Variants in ARHGAP10 observed in about 807,000 individuals in gnomAD.
ARHGAP10 encodes the protein rho GTPase-activating protein 10.
In ARHGAP10, 87 loss-of-function variants were observed where a neutral mutation model predicts 108.6. That is an observed-to-expected ratio of 0.80 (90% CI 0.67 to 0.96). ARHGAP10 has a LOEUF of 0.96. Among genes scored for constraint, ARHGAP10 ranks in the 40% least tolerant of loss-of-function variants. The pLI, the probability that ARHGAP10 is intolerant of heterozygous loss-of-function variation, is 0.00. For missense variants in ARHGAP10, 939 were observed against 954.5 expected, an observed-to-expected ratio of 0.98 and a Z score of 0.21; for synonymous variants, 347 against 341.1, an observed-to-expected ratio of 1.02 and a Z score of -0.19.
intron 11 of ARHGAP10, among the ~76,000 whole-genome samples, chr4:147,908,830 C>T (rs193160372): frequency 1.7e-4 from 26 of 152,216 alleles, no homozygotes. Flanking sequence ...TTTTAAGGAC[C>T]CTGCCCCCTT....
chr4:148,024,084 T>A (rs574271082), intron 19 of ARHGAP10, among the ~76,000 whole-genome samples: 125 of 152,356 alleles, frequency 8.2e-4, no homozygotes, highest in African/African-American at 2.9e-3. Flanking sequence ...TCAACACTGA[T>A]CCATACAAAA....
intron 1 of ARHGAP10, among the ~76,000 whole-genome samples, chr4:147,817,423 A>C (rs1732296945): frequency 6.6e-6 from 1 of 152,206 alleles, no homozygotes; most frequent in Non-Finnish European, 1.5e-5. Context: ...ATTGTTGATA[A>C]ATAGGTGGCT....
At chr4:148,061,123 G>A (rs1443632461) in intron 20 of ARHGAP10, among the ~76,000 whole-genome samples, 1 of 151,792 alleles carries the variant, frequency 6.6e-6, no homozygotes, top group African/African-American at 2.4e-5. Flanking sequence ...AAAGATGTGA[G>A]GATCAAGCAG....
rs57534364 is a variant in ARHGAP10, at chr4:147,820,580, G to GTTT, written c.155-2119_155-2117dup. On this transcript the variant is annotated intron_variant, in intron 1 of 22. Transcript: ENST00000336498. Reference sequence around the variant, plus strand: ...TTACAGGCGTGGGCTACCTCGGCCAGTTTTTTTTTTTTTTTTTTTTTTTTT... The same window carrying GTTT: ...TTACAGGCGTGGGCTACCTCGGCCAGTTTTTTTTTTTTTTTTTTTTTTTTTTTT... Among the ~76,000 whole-genome samples, 86 of 49,038 alleles carry GTTT rather than the reference G, an allele frequency of 1.8e-3. 7 individuals carry two copies. The highest frequency in any genetic ancestry group is 0.01 in the South Asian group (9 of 894). 32.2% of individuals were successfully genotyped at this position (49,038 alleles called of 152,430 possible). A position where few individuals can be genotyped will look rare whatever the true frequency, so the allele number is the denominator to read the frequency against.
chr4:147,817,377 G>GT (rs1191834707), intron 1 of ARHGAP10, among the ~76,000 whole-genome samples: 1 of 152,186 alleles, frequency 6.6e-6, no homozygotes, highest in Middle Eastern at 3.2e-3. Context: ...CCAGCAGAGT[G>GT]TCTGTTTGTC....
At chr4:147,918,743 G>A (rs1737099935) in intron 13 of ARHGAP10, among the ~76,000 whole-genome samples, 1 of 152,200 alleles carries the variant, frequency 6.6e-6, no homozygotes, top group South Asian at 2.1e-4. Flanking sequence ...AGTAGCCCAA[G>A]CTATGATTGA....
chr4:147,796,923 A>G (rs1214879633), intron 1 of ARHGAP10, among the ~76,000 whole-genome samples: 5 of 152,240 alleles, frequency 3.3e-5, no homozygotes, highest in African/African-American at 4.8e-5. Flanking sequence ...CATGCCATAG[A>G]GCCCTTCCAC....
At position 147,900,259 on chromosome 4, in the gene ARHGAP10, A is replaced by AT. The variant is rs1028737854; in HGVS notation, c.1035-6371dup. 4.0e-5 allele frequency among the ~76,000 whole-genome samples: 6 copies of AT among 151,792 alleles called. No homozygotes were observed. The South Asian group carries it at 6.3e-4, about 16-fold the overall frequency. The stretch of plus-strand genomic sequence containing the variant: ...GGTGATACCATGTATTTGTATTTGT[A>AT]TTTTTTTTCTGAATGAATGAATGAA... On this transcript the variant is annotated intron_variant, in intron 10 of 22. Coordinates refer to ENST00000336498, the MANE Select transcript of ARHGAP10 (RefSeq NM_024605.4).
At chr4:147,864,600 A>AG (rs1734467178) in intron 5 of ARHGAP10, 1 of 361,082 alleles carries the variant, frequency 2.8e-6, no homozygotes, top group Non-Finnish European at 5.0e-6. Flanking sequence ...AGAAACTGAT[A>AG]GTAAATATTT....
At chr4:148,046,743 TAA>T in intron 19 of ARHGAP10, 147 bp from the exon 20 acceptor site, 1 of 684,688 alleles carries the variant, frequency 1.5e-6, no homozygotes, top group Non-Finnish European at 2.3e-6. Flanking sequence ...AAAAAAAATG[TAA>T]AGACAGGACA....
chr4:147,907,097 A>G (rs933433699), intron 11 of ARHGAP10, among the ~76,000 whole-genome samples: 10 of 152,184 alleles, frequency 6.6e-5, no homozygotes, highest in African/African-American at 2.2e-4. Flanking sequence ...AGTGCAGGCA[A>G]TATTATAGGT....
intron 20 of ARHGAP10, among the ~76,000 whole-genome samples, chr4:148,059,502 G>C (rs569791978): frequency 9.7e-6 from 1 of 102,810 alleles, no homozygotes; most frequent in Non-Finnish European, 2.2e-5. Context: ...TTGGGAAATG[G>C]TAGGAAAGGA....
intron 19 of ARHGAP10, among the ~76,000 whole-genome samples, chr4:148,036,621 A>T (rs930801691): frequency 8.5e-5 from 13 of 152,200 alleles, no homozygotes; most frequent in Admixed American, 1.3e-4. Flanking sequence ...TTCCAGCCAT[A>T]CTGAACTATG....
chr4:147,904,801 C>A (rs559660062), intron 10 of ARHGAP10, among the ~76,000 whole-genome samples: 2 of 152,168 alleles, frequency 1.3e-5, no homozygotes, highest in Non-Finnish European at 2.9e-5. Context: ...CCTGAGGAAT[C>A]GCCACACTGA....
At chr4:148,022,755 AAAATGT>A (rs1306439569) in intron 18 of ARHGAP10, among the ~76,000 whole-genome samples, 1 of 152,250 alleles carries the variant, frequency 6.6e-6, no homozygotes, top group Non-Finnish European at 1.5e-5. Flanking sequence ...CATTTTATGA[AAAATGT>A]AAATGGGAAG....
intron 3 of ARHGAP10, among the ~76,000 whole-genome samples, chr4:147,838,465 T>A (rs1411486575): frequency 2.4e-5 from 1 of 41,686 alleles, no homozygotes; most frequent in Non-Finnish European, 9.3e-5. Flanking sequence ...AGTGAGACCC[T>A]TGTCTCTTAA....
chr4:148,037,076 T>C (rs1465646107), intron 19 of ARHGAP10, among the ~76,000 whole-genome samples: 2 of 152,348 alleles, frequency 1.3e-5, no homozygotes, highest in East Asian at 1.9e-4. Flanking sequence ...CTCAGTCTTA[T>C]GGTAACTTTG....
chr4:147,863,419 A>C lies in ARHGAP10; in HGVS notation c.487-1427A>C, dbSNP rs191627211. On this transcript the variant is annotated intron_variant, in intron 5 of 22. Coordinates refer to ENST00000336498, the MANE Select transcript of ARHGAP10 (RefSeq NM_024605.4). ...AAGGTTTATCCATGTTGTAGTATGT[A>C]TCAGAATTTCCTTCCTGTCTAAGGC... 2.6e-5 allele frequency: 4 copies of C among 152,404 alleles called. No individual in the cohort carries two copies. The East Asian group carries it at 7.7e-4, about 29-fold the overall frequency. The allele number at this position is 152,404 out of a possible 1,614,324, so 9.4% of individuals were successfully genotyped here.
intron 18 of ARHGAP10, among the ~76,000 whole-genome samples, chr4:147,980,052 G>A (rs2149626317): frequency 6.6e-6 from 1 of 152,176 alleles, no homozygotes; most frequent in African/African-American, 2.4e-5. Context: ...GATTGCTCTG[G>A]GTAGGACTTC....
Sources: gnomAD v4.1 joint callset for allele counts (sites outside exome capture counted in the v4.1 genomes callset) on GRCh38, gnomAD v4.1.1 for gene constraint, MANE v1.5 for transcripts, NCBI Gene and HGNC (gene_info 2026-07-23, HGNC 2026-07-21) for gene names.